The following OPRM1 variants were observed in gnomAD, a reference collection of about 807,000 sequenced individuals.
OPRM1 encodes the protein mu-type opioid receptor.
OPRM1 carries 27 observed loss-of-function variants against 31.8 expected under a neutral mutation model. The ratio of observed to expected loss-of-function variants is 0.85; its 90% CI spans 0.63 to 1.17. The LOEUF (loss-of-function observed/expected upper bound fraction) is 1.17, where lower values mean the gene tolerates loss of function less well. OPRM1 is among the 50% of genes most tolerant of loss of function. OPRM1 has a pLI of 0.00. For synonymous variants in OPRM1, 196 were observed against 189.9 expected (o/e 1.03, Z -0.26); for missense variants, 536 against 511.1 (o/e 1.05, Z -0.47).
intron 3 of OPRM1, among the ~76,000 whole-genome samples, chr6:154,160,826 G>A (rs1238265604): frequency 6.6e-6 from 1 of 152,138 alleles, no homozygotes; most frequent in Non-Finnish European, 1.5e-5. Context: ...TCCTAAGGTT[G>A]GATATCCAGT....
rs145637671 is a variant in OPRM1, at chr6:154,185,699, G to A, written c.1165-60994G>A. On this transcript the variant is annotated intron_variant, in intron 3 of 3. Coordinates refer to the OPRM1 transcript ENST00000337049. Reference sequence around the variant, plus strand: ...GGTGTCCAATCTTTTGGCTTCCCTCGGCCACATTAGAAGAAGAAGAAGAAC... The same window carrying A: ...GGTGTCCAATCTTTTGGCTTCCCTCAGCCACATTAGAAGAAGAAGAAGAAC... Among the ~76,000 whole-genome samples, 27 of 151,930 alleles carry A rather than the reference G, an allele frequency of 1.8e-4. No individual in the cohort carries two copies. The East Asian group carries it at 4.8e-3, about 27-fold the overall frequency.
At chr6:154,054,381 A>G (rs1338158917) in intron 1 of OPRM1, among the ~76,000 whole-genome samples, 1 of 151,176 alleles carries the variant, frequency 6.6e-6, no homozygotes, top group African/African-American at 2.4e-5. Context: ...AAAAAAAAAA[A>G]AAAAAAAAAG....
At chr6:154,200,069 G>A in intron 3 of OPRM1, 1 of 1,556,024 alleles carries the variant, frequency 6.4e-7, no homozygotes, top group East Asian at 2.3e-5. Flanking sequence ...ACCAAAAAAA[G>A]AATAAAAGAC....
rs1797425496 is a variant in OPRM1 at position 154,123,719 on chromosome 6, G to A, written c.*4998G>A. Among the ~76,000 whole-genome samples, 1 of 152,142 alleles carries A rather than the reference G, an allele frequency of 6.6e-6. No individual in the cohort carries two copies. Among genetic ancestry groups the A allele is most frequent in the Non-Finnish European group, 1.5e-5 (1 of 68,014 alleles). Reference sequence around the variant, plus strand: ...TTCTTCCCCTTTTAAGACCGCATAGGGCAACTTCCTGACATTGCCATGGCA... The same window carrying A: ...TTCTTCCCCTTTTAAGACCGCATAGAGCAACTTCCTGACATTGCCATGGCA... On this transcript the variant is annotated 3_prime_UTR_variant, in exon 4 of 4. Coordinates refer to ENST00000330432, the MANE Select transcript of OPRM1 (RefSeq NM_000914.5).
intron 3 of OPRM1, among the ~76,000 whole-genome samples, chr6:154,099,936 T>C (rs1383624295): frequency 6.3e-5 from 9 of 143,162 alleles, no homozygotes; most frequent in African/African-American, 2.1e-4. Flanking sequence ...TATCATATTA[T>C]GATATATATC....
chr6:154,053,224 A>G (rs1251050579), intron 1 of OPRM1, among the ~76,000 whole-genome samples: 1 of 152,198 alleles, frequency 6.6e-6, no homozygotes, highest in Non-Finnish European at 1.5e-5. Flanking sequence ...TTTCGTCTTC[A>G]ATCTTTTGGA....
chr6:154,177,803 G>A (rs1357632189), intron 3 of OPRM1, among the ~76,000 whole-genome samples: 1 of 152,148 alleles, frequency 6.6e-6, no homozygotes, highest in Non-Finnish European at 1.5e-5. Context: ...ATATCCAAAG[G>A]ATTATAAATC....
chr6:154,213,517 T>A (rs2128607049), intron 3 of OPRM1, among the ~76,000 whole-genome samples: 1 of 152,330 alleles, frequency 6.6e-6, no homozygotes, highest in South Asian at 2.1e-4. Flanking sequence ...CTGTTTCAAA[T>A]CAAGTTGCCA....
chr6:154,073,935 T>C (rs573733410), intron 1 of OPRM1: 1 of 152,288 alleles, frequency 6.6e-6, no homozygotes, highest in Admixed American at 6.5e-5. Context: ...GAGGTTGCAA[T>C]GAGCCAAGAT....
intron 1 of OPRM1, among the ~76,000 whole-genome samples, chr6:154,086,219 C>G (rs929411671): frequency 1.3e-5 from 2 of 152,156 alleles, no homozygotes; most frequent in African/African-American, 2.4e-5. Context: ...AATTCTTAAT[C>G]CTTTAGCTTT....
At chr6:154,229,715 C>A (rs1448589896) in intron 3 of OPRM1, among the ~76,000 whole-genome samples, 1 of 152,144 alleles carries the variant, frequency 6.6e-6, no homozygotes, top group Non-Finnish European at 1.5e-5. Flanking sequence ...CAATTCTACT[C>A]CTAGGTGTCT....
chr6:154,133,235 C>G (rs1276444774), downstream of OPRM1, among the ~76,000 whole-genome samples: 1 of 152,140 alleles, frequency 6.6e-6, no homozygotes, highest in East Asian at 1.9e-4. Flanking sequence ...AGCTATGTCC[C>G]TATATGTAAA....
rs368356906 is a variant in OPRM1 at position 154,115,898 on chromosome 6, G to A, written c.1165-2785G>A. On this transcript the variant is annotated intron_variant, in intron 3 of 3. Transcript: ENST00000330432. ...GACTGAGTTTCTTTGGCGATCATCCGATCATTCCCTTCTTTGGGAGCTCCT... is the reference window on the plus strand; with the variant it reads ...GACTGAGTTTCTTTGGCGATCATCCAATCATTCCCTTCTTTGGGAGCTCCT... 8.7e-4 allele frequency among the ~76,000 whole-genome samples: 132 copies of A among 152,306 alleles called. 1 individual carries two copies. The highest frequency in any genetic ancestry group is 3.0e-3 in the African/African-American group (123 of 41,558).
chr6:154,188,540 T>A (rs1583747102), intron 3 of OPRM1, among the ~76,000 whole-genome samples: 2 of 152,252 alleles, frequency 1.3e-5, no homozygotes, highest in African/African-American at 4.8e-5. Flanking sequence ...TGGGTGATTC[T>A]AAAAGGTATA....
rs650245 is a variant in OPRM1, at chr6:154,107,567, A to G, written c.1165-11116A>G. 649,827 of 718,432 alleles carry G rather than the reference A, an allele frequency of 0.9. 294,828 individuals are homozygous for G. The highest frequency in any genetic ancestry group is 0.98 in the East Asian group (36,506 of 37,290). 44.5% of individuals were successfully genotyped at this position (718,432 alleles called of 1,614,324 possible). Reference sequence around the variant, plus strand: ...TCCCTTCCCAGGAAGAGTCTAGAGCATTAATTTTGAGTTTGCAAAGGCTTG... The same window carrying G: ...TCCCTTCCCAGGAAGAGTCTAGAGCGTTAATTTTGAGTTTGCAAAGGCTTG... On this transcript the variant is annotated intron_variant, in intron 3 of 3. Coordinates refer to ENST00000330432, the MANE Select transcript of OPRM1 (RefSeq NM_000914.5).
intron 1 of OPRM1, among the ~76,000 whole-genome samples, chr6:154,060,828 A>G (rs1294110531): frequency 6.6e-6 from 1 of 152,210 alleles, no homozygotes; most frequent in African/African-American, 2.4e-5. Context: ...TTCATCTTAG[A>G]GATGTATCCC....
chr6:154,169,326 A>T (rs2128555151), intron 3 of OPRM1, among the ~76,000 whole-genome samples: 1 of 152,188 alleles, frequency 6.6e-6, no homozygotes, highest in South Asian at 2.1e-4. Context: ...ACACCACTGC[A>T]CTCCAGCCTG....
In OPRM1 at chr6:154,129,644, G is replaced by T. The variant is rs1227254309; in HGVS notation, c.*10923G>T. Among the ~76,000 whole-genome samples, 2 of 152,068 alleles carry T rather than the reference G, an allele frequency of 1.3e-5. No individual in the cohort carries two copies. Among genetic ancestry groups the T allele is most frequent in the African/African-American group, 4.8e-5 (2 of 41,408 alleles). On this transcript the variant is annotated 3_prime_UTR_variant, in exon 4 of 4. Coordinates refer to ENST00000330432, the MANE Select transcript of OPRM1 (RefSeq NM_000914.5). ...CTCATAAGAACATCTACATTCATTTGAAAAATAGTTCTATATCTATTCTTG... is the reference window on the plus strand; with the variant it reads ...CTCATAAGAACATCTACATTCATTTTAAAAATAGTTCTATATCTATTCTTG...
chr6:154,245,242 T>C (rs113367864), intron 3 of OPRM1, among the ~76,000 whole-genome samples: 395 of 151,964 alleles, frequency 2.6e-3, no homozygotes, highest in African/African-American at 9.1e-3. Context: ...TTTTTGTGAA[T>C]CCCTTAAAAC....
Sources: allele counts gnomAD v4.1 joint callset (sites outside exome capture counted in the v4.1 genomes callset), GRCh38; gene constraint gnomAD v4.1.1; transcripts MANE v1.5; gene names NCBI Gene and HGNC (gene_info 2026-07-23, HGNC 2026-07-21).